The following PRKCE variants were observed in gnomAD, a reference collection of about 807,000 sequenced individuals.
The protein encoded by PRKCE is protein kinase C epsilon type.
A neutral mutation model predicts 85.4 loss-of-function variants in PRKCE; 16 were observed. That is an observed-to-expected ratio of 0.19 (90% confidence interval 0.13 to 0.28). The LOEUF (loss-of-function observed/expected upper bound fraction) is 0.28, where lower values mean the gene tolerates loss of function less well. PRKCE is among the 10% of genes least tolerant of loss of function. PRKCE has a pLI of 1.00. For missense variants in PRKCE, 573 were observed against 975.2 expected, an observed-to-expected ratio of 0.59 and a Z score of 5.49; for synonymous variants, 388 against 371.5, an observed-to-expected ratio of 1.04 and a Z score of -0.51.
intron 2 of PRKCE, among the ~76,000 whole-genome samples, chr2:45,915,758 T>C (rs1259106256): frequency 1.3e-5 from 2 of 152,184 alleles, no homozygotes; most frequent in Non-Finnish European, 2.9e-5. Context: ...TGGTCTCATG[T>C]ACAGACATGA....
chr2:45,913,768 G>A (rs1697551698), intron 2 of PRKCE, among the ~76,000 whole-genome samples: 1 of 152,170 alleles, frequency 6.6e-6, no homozygotes, highest in African/African-American at 2.4e-5. Flanking sequence ...CATTGTCCCT[G>A]CCATCCAGGT....
intron 11 of PRKCE, among the ~76,000 whole-genome samples, chr2:46,091,750 A>G (rs1670191921): frequency 6.6e-6 from 1 of 152,210 alleles, no homozygotes; most frequent in Non-Finnish European, 1.5e-5. Flanking sequence ...TACTCAGTAA[A>G]TGTTAGCCAG....
At position 46,068,338 on chromosome 2, in the gene PRKCE, T is replaced by A. The variant is rs912622612; in HGVS notation, c.1438-17870T>A. On this transcript the variant is annotated intron_variant, in intron 10 of 14. Transcript: ENST00000306156. The surrounding 1 kb of genome is among the most constrained non-coding windows in gnomAD (Gnocchi z 4.3). ...ACAAGACAATAAAACAGTGTTGAAT[T>A]AGGTTTTCTAGAGTAATGGTGCTCA... 1.2e-4 allele frequency among the ~76,000 whole-genome samples: 19 copies of A among 152,170 alleles called. No homozygotes were observed. Among genetic ancestry groups the A allele is most frequent in the African/African-American group, 3.9e-4 (16 of 41,452 alleles).
intron 10 of PRKCE, among the ~76,000 whole-genome samples, chr2:46,075,687 T>G (rs1668497724): frequency 6.6e-6 from 1 of 152,180 alleles, no homozygotes; most frequent in South Asian, 2.1e-4. Context: ...AGGCCAAGGC[T>G]GCAGTGAGCC....
At position 45,913,434 on chromosome 2, in the gene PRKCE, G is replaced by A. The variant is rs143711736; in HGVS notation, c.413-62995G>A. ...CAGAGTGCTTGGATTATAGGCGTGA[G>A]CCACCATGCCCAGCCAGCAAGAGCG... On this transcript the variant is annotated intron_variant, in intron 2 of 14. Transcript: ENST00000306156. Among the ~76,000 whole-genome samples, 305 of 152,338 alleles carry A rather than the reference G, an allele frequency of 2.0e-3. 2 individuals carry two copies. The highest frequency in any genetic ancestry group is 7.1e-3 in the African/African-American group (294 of 41,572).
chr2:45,813,846 T>C (rs1688826812), intron 1 of PRKCE, among the ~76,000 whole-genome samples: 1 of 152,232 alleles, frequency 6.6e-6, no homozygotes, highest in Non-Finnish European at 1.5e-5. Flanking sequence ...CCACAGGGCA[T>C]GTGTTCCAGA....
At position 45,984,592 on chromosome 2, in the gene PRKCE, C is replaced by T. The variant is rs974692701; in HGVS notation, c.735C>T (p.Phe245=). 15 of 1,599,670 alleles carry T rather than the reference C, an allele frequency of 9.4e-6. No homozygotes were observed. Among genetic ancestry groups the T allele is most frequent in the Admixed American group, 1.7e-5 (1 of 60,008 alleles). Residue 245 remains phenylalanine, a synonymous_variant, in exon 6 of 15, where the codon TTC becomes TTT. Coordinates refer to ENST00000306156, the MANE Select transcript of PRKCE (RefSeq NM_005400.3). ...TCAGCGTCAACATGCCCCACAAGTTCGGTATCCACAACTACAAGGTCCCTA... is the reference window on the plus strand; with the variant it reads ...TCAGCGTCAACATGCCCCACAAGTTTGGTATCCACAACTACAAGGTCCCTA... ...QRFSVNMPHK[F]GIHNYKVPTF...
intron 1 of PRKCE, among the ~76,000 whole-genome samples, chr2:45,727,340 A>T (rs1394658211): frequency 1.3e-5 from 2 of 152,226 alleles, no homozygotes; most frequent in Non-Finnish European, 2.9e-5. Context: ...GGTAGAAGAC[A>T]AGCAATGGCG....
chr2:46,035,835 G>A (rs904485664), intron 10 of PRKCE, among the ~76,000 whole-genome samples: 2 of 152,354 alleles, frequency 1.3e-5, no homozygotes, highest in East Asian at 3.9e-4. Flanking sequence ...GCAAGGCACA[G>A]TCCTAAGTCC....
At chr2:46,144,970 C>A in intron 11 of PRKCE, 123 bp from the exon 12 acceptor site, 1 of 1,434,810 alleles carries the variant, frequency 7.0e-7, no homozygotes, top group Non-Finnish European at 9.5e-7. Context: ...TTTCAAGAAA[C>A]ACAAGCTTCT....
At chr2:45,738,103 A>G (rs190908642) in intron 1 of PRKCE, among the ~76,000 whole-genome samples, 1 of 152,096 alleles carries the variant, frequency 6.6e-6, no homozygotes, top group East Asian at 1.9e-4. Context: ...TTTTCTCCTA[A>G]CTGGCCTCCC....
At chr2:45,878,850 T>A (rs933199650) in intron 2 of PRKCE, among the ~76,000 whole-genome samples, 8 of 152,352 alleles carry the variant, frequency 5.3e-5, no homozygotes, top group African/African-American at 1.4e-4. Context: ...TTTCTCCTCA[T>A]GCTGGCAATT....
At chr2:45,790,956 G>A (rs531047605) in intron 1 of PRKCE, among the ~76,000 whole-genome samples, 70 of 152,314 alleles carry the variant, frequency 4.6e-4, no homozygotes, top group African/African-American at 1.6e-3. Context: ...CTAGAAAGGC[G>A]TGTAGGCCTC....
At chr2:45,659,966 G>A (rs1002990037) in intron 1 of PRKCE, among the ~76,000 whole-genome samples, 5 of 151,972 alleles carry the variant, frequency 3.3e-5, no homozygotes, top group East Asian at 1.9e-4. Context: ...TTTGTTCACC[G>A]CTTTATCTCA....
At chr2:45,944,749 A>G (rs1484259439) in intron 2 of PRKCE, among the ~76,000 whole-genome samples, 1 of 138,478 alleles carries the variant, frequency 7.2e-6, no homozygotes, top group Non-Finnish European at 1.5e-5. Flanking sequence ...CGATCCATCC[A>G]CCTTGGCCTC....
intron 11 of PRKCE, among the ~76,000 whole-genome samples, chr2:46,124,100 G>A (rs1431564551): frequency 1.4e-5 from 2 of 143,436 alleles, no homozygotes; most frequent in Admixed American, 6.7e-5. Flanking sequence ...CAAGGTGGGC[G>A]GATCACTGGA....
At chr2:46,015,691 C>CAAAAAAAAAAAAAAAAAAAAAAAAAAAAA (rs749060776) in intron 10 of PRKCE, among the ~76,000 whole-genome samples, 5 of 80,794 alleles carry the variant, frequency 6.2e-5, no homozygotes, top group East Asian at 3.7e-4. Context: ...AACACTAAAC[C>CAAAAAAAAAAAAAAAAAAAAAAAAAAAAA]AAAAAAAAAA....
rs1006561298 is a variant in PRKCE at position 45,905,451 on chromosome 2, A to G, written c.412+62388A>G. Among the ~76,000 whole-genome samples, 8 of 152,234 alleles carry G rather than the reference A, an allele frequency of 5.3e-5. No individual in the cohort carries two copies. Among genetic ancestry groups the G allele is most frequent in the African/African-American group, 1.7e-4 (7 of 41,462 alleles). On this transcript the variant is annotated intron_variant, in intron 2 of 14. Coordinates refer to ENST00000306156, the MANE Select transcript of PRKCE (RefSeq NM_005400.3). This position sits in a 1 kb window ranked among gnomAD's most constrained non-coding sequence, Gnocchi z 4.4. The stretch of plus-strand genomic sequence containing the variant: ...GCTGAAATCTATTTTGCTGAGGCCA[A>G]ATTGGCTGTTGATGGGCCATAGTAG...
chr2:46,164,684 A>G (rs1678148994), intron 14 of PRKCE: 1 of 152,306 alleles, frequency 6.6e-6, no homozygotes, highest in Non-Finnish European at 1.5e-5. Context: ...GTCACTTACA[A>G]GAGCCAGGAT....
Sources: allele counts gnomAD v4.1 joint callset (sites outside exome capture counted in the v4.1 genomes callset), GRCh38; gene constraint gnomAD v4.1.1; non-coding constraint Gnocchi (gnomAD v3.1); transcripts MANE v1.5; gene names NCBI Gene and HGNC (gene_info 2026-07-23, HGNC 2026-07-21).